The following MDGA2 variants were observed in gnomAD, a reference collection of about 807,000 sequenced individuals.
The protein encoded by MDGA2 is MAM domain-containing glycosylphosphatidylinositol anchor protein 2.
A neutral mutation model predicts 117.8 loss-of-function variants in MDGA2; 40 were observed. The observed-to-expected ratio is 0.34, with a 90% CI of 0.26 to 0.44. The LOEUF is 0.44. Among genes scored for constraint, MDGA2 ranks in the 20% least tolerant of loss-of-function variants. MDGA2 has a pLI of 1.00. For missense variants in MDGA2, 1,123 were observed against 1,250.6 expected (o/e 0.90, Z 1.54); for synonymous variants, 452 against 439.0 (o/e 1.03, Z -0.37).
intron 8 of MDGA2, among the ~76,000 whole-genome samples, chr14:46,975,349 AT>A (rs1886415967): frequency 6.6e-6 from 1 of 152,108 alleles, no homozygotes; most frequent in Non-Finnish European, 1.5e-5. Context: ...TTCTAAGTGT[AT>A]ATCTAATTGC....
intron 10 of MDGA2, among the ~76,000 whole-genome samples, chr14:46,891,844 C>T (rs1361879079): frequency 1.3e-5 from 2 of 150,484 alleles, no homozygotes; most frequent in East Asian, 3.9e-4. Context: ...TAATAAATAT[C>T]ATAATAAATA....
intron 8 of MDGA2, among the ~76,000 whole-genome samples, chr14:46,959,896 T>C (rs1566546122): frequency 2.0e-5 from 3 of 152,244 alleles, no homozygotes; most frequent in South Asian, 4.1e-4. Flanking sequence ...TGTTACTGTG[T>C]CATGAATTTC....
chr14:47,447,062 A>T (rs1312541795), intron 1 of MDGA2, among the ~76,000 whole-genome samples: 1 of 152,132 alleles, frequency 6.6e-6, no homozygotes, highest in African/African-American at 2.4e-5. Flanking sequence ...CCATGGACTC[A>T]TTCTTCCTTA....
chr14:47,315,098 G>A (rs537475356), intron 1 of MDGA2, among the ~76,000 whole-genome samples: 4 of 152,060 alleles, frequency 2.6e-5, no homozygotes, highest in African/African-American at 9.6e-5. Context: ...TTTTCCCCCA[G>A]AGCTAATATA....
chr14:47,642,199 C>A (rs905362489), intron 1 of MDGA2, among the ~76,000 whole-genome samples: 3 of 151,940 alleles, frequency 2.0e-5, no homozygotes, highest in Non-Finnish European at 4.4e-5. Context: ...CAGCTATGTA[C>A]CCATTTCTTA....
chr14:47,100,284 T>C (rs1161732516), intron 5 of MDGA2, among the ~76,000 whole-genome samples: 1 of 152,096 alleles, frequency 6.6e-6, no homozygotes, highest in Non-Finnish European at 1.5e-5. Flanking sequence ...TGATACTTTT[T>C]CACAATGTCC....
chr14:47,101,661 T>C (rs775481489), intron 5 of MDGA2, among the ~76,000 whole-genome samples: 7 of 151,960 alleles, frequency 4.6e-5, no homozygotes, highest in Non-Finnish European at 5.9e-5. Flanking sequence ...CCAAAAACAA[T>C]AGGAATGAGA....
At chr14:47,344,860 TC>T (rs1160628071) in intron 1 of MDGA2, among the ~76,000 whole-genome samples, 1 of 142,984 alleles carries the variant, frequency 7.0e-6, no homozygotes, top group Non-Finnish European at 1.6e-5. Flanking sequence ...CAGGGGTGTC[TC>T]TGTGTGTGTA....
chr14:47,338,173 A>C (rs772859621), intron 1 of MDGA2, among the ~76,000 whole-genome samples: 7 of 151,988 alleles, frequency 4.6e-5, no homozygotes, highest in Non-Finnish European at 1.0e-4. Flanking sequence ...TGTTCTTTTT[A>C]ATTAGCATGC....
rs368412441 is a variant in MDGA2, at chr14:47,139,883, C to CATAT, written c.792+4191_792+4194dup. 1.9e-3 allele frequency among the ~76,000 whole-genome samples: 232 copies of CATAT among 120,940 alleles called. 1 individual carries two copies. Among genetic ancestry groups the CATAT allele is most frequent in the African/African-American group, 6.5e-3 (207 of 32,006 alleles). 79.3% of individuals were successfully genotyped at this position (120,940 alleles called of 152,430 possible). ...ACATATATATATATACACACACACA[C>CATAT]ATATATATATATATATATACACATA... On this transcript the variant is annotated intron_variant, in intron 4 of 16. Transcript: ENST00000399232.
chr14:47,518,956 C>A (rs978194792), intron 1 of MDGA2, among the ~76,000 whole-genome samples: 2 of 152,118 alleles, frequency 1.3e-5, no homozygotes, highest in African/African-American at 4.8e-5. Context: ...GTAATCCCAG[C>A]ATTTTGGGAA....
chr14:47,186,593 T>A (rs764620769), intron 3 of MDGA2, among the ~76,000 whole-genome samples: 5 of 151,854 alleles, frequency 3.3e-5, no homozygotes, highest in Non-Finnish European at 7.4e-5. Context: ...GGATTACAAG[T>A]AAGGAAACAG....
Position 47,619,116 on chromosome 14 carries a change from T to TACAC in MDGA2, c.280+55397_280+55400dup, listed in dbSNP as rs1555336908. On this transcript the variant is annotated intron_variant, in intron 1 of 16. Coordinates refer to ENST00000399232, the MANE Select transcript of MDGA2 (RefSeq NM_001113498.3). ...TAGCATCTCTGAGCCTCAGTTTAAT[T>TACAC]ACACACACACACACACACACACACA... Among the ~76,000 whole-genome samples the TACAC allele has an allele frequency of 2.2e-3, 201 of 90,796 alleles. 1 individual carries two copies. Among genetic ancestry groups the TACAC allele is most frequent in the South Asian group, 0.014 (37 of 2,648 alleles). The allele number at this position is 90,796 out of a possible 152,430, so 59.6% of individuals were successfully genotyped here.
intron 15 of MDGA2, among the ~76,000 whole-genome samples, chr14:46,851,610 T>G (rs2138289379): frequency 6.6e-6 from 1 of 151,980 alleles, no homozygotes; most frequent in Non-Finnish European, 1.5e-5. Flanking sequence ...ATGGATCAAA[T>G]TAATTTAAAG....
chr14:47,073,381 T>C (rs376347657), intron 6 of MDGA2, among the ~76,000 whole-genome samples: 5 of 152,308 alleles, frequency 3.3e-5, no homozygotes, highest in East Asian at 3.9e-4. Context: ...GTTAGCTCTA[T>C]AGAGCCTCAA....
Position 47,106,607 on chromosome 14 carries a change from G to C in MDGA2, c.926-9484C>G, listed in dbSNP as rs1880698033. Among the ~76,000 whole-genome samples the C allele has an allele frequency of 2.0e-5, 3 of 152,006 alleles. No homozygotes were observed. In the South Asian group the frequency reaches 6.2e-4, roughly 31 times the overall value. ...AGAGCCCCTGGAACTTTGGCTCAAG[G>C]CTCTCTGACTGACTCCTTCCCAGAT... On this transcript the variant is annotated intron_variant, in intron 5 of 16. Coordinates refer to ENST00000399232, the MANE Select transcript of MDGA2 (RefSeq NM_001113498.3).
chr14:47,663,734 C>A (rs546497320), intron 1 of MDGA2, among the ~76,000 whole-genome samples: 59 of 152,200 alleles, frequency 3.9e-4, no homozygotes, highest in Non-Finnish European at 7.4e-4. Flanking sequence ...TGTGTGATGA[C>A]CCCATTTAAT....
At chr14:47,334,568 G>A (rs1357375785) in intron 1 of MDGA2, among the ~76,000 whole-genome samples, 2 of 151,826 alleles carry the variant, frequency 1.3e-5, no homozygotes, top group Non-Finnish European at 2.9e-5. Flanking sequence ...ATAAATAGTG[G>A]TTATATCTAA....
intron 1 of MDGA2, among the ~76,000 whole-genome samples, chr14:47,485,022 C>T (rs573089228): frequency 1.6e-4 from 25 of 152,108 alleles, no homozygotes; most frequent in African/African-American, 3.1e-4. Context: ...TAGAGTGGGG[C>T]GCTGCTGAAA....
Sources: allele counts gnomAD v4.1 joint callset (sites outside exome capture counted in the v4.1 genomes callset), GRCh38; gene constraint gnomAD v4.1.1; transcripts MANE v1.5; gene names NCBI Gene and HGNC (gene_info 2026-07-23, HGNC 2026-07-21).